The following CRK variants were observed in gnomAD, a reference collection of about 807,000 sequenced individuals.
CRK encodes the protein CRK proto-oncogene, adaptor protein.
Under a neutral mutation model 29.8 loss-of-function variants are expected in CRK, and 4 were observed. The observed-to-expected ratio is 0.13, with a 90% CI of 0.07 to 0.31. CRK has a LOEUF of 0.31. CRK is among the 10% of genes least tolerant of loss of function. CRK has a pLI of 1.00. For synonymous variants in CRK, 153 were observed against 164.9 expected, an observed-to-expected ratio of 0.93 and a Z score of 0.55; for missense variants, 274 against 396.5, an observed-to-expected ratio of 0.69 and a Z score of 2.62.
chr17:1,450,959 G>A (rs1408525999), intron 1 of CRK, among the ~76,000 whole-genome samples: 1 of 151,924 alleles, frequency 6.6e-6, no homozygotes, highest in Non-Finnish European at 1.5e-5. Flanking sequence ...TTAGGAGGCC[G>A]AGGCAGGCAG....
rs1056127030 is a variant in CRK at position 1,422,910 on chromosome 17, G to C, written c.*603C>G. On this transcript the variant is annotated 3_prime_UTR_variant, in exon 3 of 3. Transcript: ENST00000300574. The stretch of plus-strand genomic sequence containing the variant: ...CAGGTTTGGGGGACAAGAATGTCAA[G>C]GGCTAAAAGAATCCCAAGAAAAAGT... 5.0e-6 allele frequency: 2 copies of C among 398,826 alleles called. No individual in the cohort carries two copies. The highest frequency in any genetic ancestry group is 8.8e-6 in the Non-Finnish European group (2 of 226,120). 24.7% of individuals were successfully genotyped at this position (398,826 alleles called of 1,614,324 possible). A position where few individuals can be genotyped will look rare whatever the true frequency, so the allele number is the denominator to read the frequency against.
rs1250004656 is a variant in CRK, at chr17:1,427,473, G to A, written c.778-3823C>T. Among the ~76,000 whole-genome samples, 4 of 151,548 alleles carry A rather than the reference G, an allele frequency of 2.6e-5. No homozygotes were observed. The East Asian group carries it at 5.9e-4, about 22-fold the overall frequency. On this transcript the variant is annotated intron_variant, in intron 2 of 2. Coordinates refer to ENST00000300574, the MANE Select transcript of CRK (RefSeq NM_016823.4). Reference sequence around the variant, plus strand: ...CCAGGCGTGCTGGCGGGCGCCTGTAGTCCCACCTACTCGGGAGGCTGAGGC... The same window carrying A: ...CCAGGCGTGCTGGCGGGCGCCTGTAATCCCACCTACTCGGGAGGCTGAGGC...
intron 2 of CRK, among the ~76,000 whole-genome samples, chr17:1,428,273 CACGCCCAGCTGATTT>C (rs1283468532): frequency 4.1e-4 from 62 of 151,802 alleles, no homozygotes; most frequent in African/African-American, 1.5e-3. Context: ...CGCCCGCCAC[CACGCCCAGCTGATTT>C]TTGTATTTTT....
intron 1 of CRK, among the ~76,000 whole-genome samples, chr17:1,450,310 C>G (rs889422084): frequency 6.6e-6 from 1 of 151,856 alleles, no homozygotes; most frequent in Non-Finnish European, 1.5e-5. Flanking sequence ...AGCTCAAGAC[C>G]ATCCTGGCTA....
Position 1,430,590 on chromosome 17 carries a change from T to C in CRK, c.777+6030A>G, listed in dbSNP as rs1438835394. 7.0e-4 allele frequency among the ~76,000 whole-genome samples: 98 copies of C among 140,414 alleles called. 1 individual carries two copies. Among genetic ancestry groups the C allele is most frequent in the Middle Eastern group, 5.0e-3 (1 of 202 alleles). The allele number at this position is 140,414 out of a possible 152,430, so 92.1% of individuals were successfully genotyped here. On this transcript the variant is annotated intron_variant, in intron 2 of 2. Transcript: ENST00000300574. ...CAGTATTAGCCAGGATGGTCTCCATTTCCTGACCTCGTGATCCGCCCGCCT... is the reference window on the plus strand; with the variant it reads ...CAGTATTAGCCAGGATGGTCTCCATCTCCTGACCTCGTGATCCGCCCGCCT...
Position 1,452,034 on chromosome 17 carries a change from G to A in CRK, c.241+3843C>T, listed in dbSNP as rs140296364. Among the ~76,000 whole-genome samples the A allele has an allele frequency of 2.7e-3, 415 of 151,176 alleles. 2 individuals are homozygous for A. The highest frequency in any genetic ancestry group is 0.017 in the South Asian group (83 of 4,818). ...ACCAAGTCTTAGACTCCAGGGCAGA[G>A]GCAAAGTATTGAGGATATTGAGGAT... is the stretch of plus-strand genomic sequence containing the variant. On this transcript the variant is annotated intron_variant, in intron 1 of 2. Coordinates refer to ENST00000300574, the MANE Select transcript of CRK (RefSeq NM_016823.4).
chr17:1,455,713 C>G (rs1044971070), intron 1 of CRK, among the ~76,000 whole-genome samples, 164 bp downstream of exon 1: 4 of 152,174 alleles, frequency 2.6e-5, no homozygotes, highest in African/African-American at 9.7e-5. Context: ...CACACTCCTG[C>G]TCCCCGGGTG....
chr17:1,441,089 C>T (rs2150908111), intron 1 of CRK, among the ~76,000 whole-genome samples: 1 of 152,248 alleles, frequency 6.6e-6, no homozygotes, highest in East Asian at 1.9e-4. Flanking sequence ...GCACGCATCA[C>T]CACGCCCAAC....
rs1180358423 is a variant in CRK at position 1,421,589 on chromosome 17, CAACGCGTT to C, written c.*1916_*1923del. On this transcript the variant is annotated 3_prime_UTR_variant, in exon 3 of 3. Coordinates refer to ENST00000300574, the MANE Select transcript of CRK (RefSeq NM_016823.4). Reference sequence around the variant, plus strand: ...GAGGTAAAATACATTAAATTAGCGTCAACGCGTTAGTCTGCTTGCGGCCATGTACGGAA... The same window carrying C: ...GAGGTAAAATACATTAAATTAGCGTCAGTCTGCTTGCGGCCATGTACGGAA... The C allele has an allele frequency of 1.3e-5, 2 of 152,182 alleles. No individual in the cohort carries two copies. The highest frequency in any genetic ancestry group is 4.8e-5 in the African/African-American group (2 of 41,450). 9.4% of individuals were successfully genotyped at this position (152,182 alleles called of 1,614,324 possible). A position where few individuals can be genotyped will look rare whatever the true frequency, so the allele number is the denominator to read the frequency against.
chr17:1,445,619 G>A (rs560627752), intron 1 of CRK, among the ~76,000 whole-genome samples: 10 of 152,338 alleles, frequency 6.6e-5, no homozygotes, highest in Admixed American at 2.6e-4. Context: ...TGGTAGTCAA[G>A]GAGATTCATG....
intron 1 of CRK, among the ~76,000 whole-genome samples, chr17:1,446,752 C>T (rs949282984): frequency 5.3e-5 from 8 of 151,994 alleles, no homozygotes; most frequent in Admixed American, 2.0e-4. Context: ...CCACCACGCC[C>T]GGGTTTTTTT....
At chr17:1,427,674 G>A (rs985271456) in intron 2 of CRK, among the ~76,000 whole-genome samples, 2 of 151,884 alleles carry the variant, frequency 1.3e-5, no homozygotes, top group Admixed American at 1.3e-4. Flanking sequence ...CTGTCACCCA[G>A]GCTGGAGTGC....
At chr17:1,444,666 T>TAAAA (rs559826976) in intron 1 of CRK, among the ~76,000 whole-genome samples, 2 of 137,790 alleles carry the variant, frequency 1.5e-5, no homozygotes, top group Non-Finnish European at 3.1e-5. Context: ...CCGTCTTTAC[T>TAAAA]AAAAAAAAAA....
intron 1 of CRK, among the ~76,000 whole-genome samples, chr17:1,443,590 G>A (rs537242865): frequency 1.3e-5 from 2 of 150,654 alleles, no homozygotes; most frequent in South Asian, 2.1e-4. Context: ...TAGTAGAGAC[G>A]GGGTTTCACC....
At chr17:1,445,495 C>G (rs374751862) in intron 1 of CRK, among the ~76,000 whole-genome samples, 1 of 152,182 alleles carries the variant, frequency 6.6e-6, no homozygotes, top group Admixed American at 6.5e-5. Flanking sequence ...GTTCCGAGGG[C>G]AGGACTGGAG....
Position 1,455,871 on chromosome 17 carries a change from C to T in CRK, c.241+6G>A. The T allele has an allele frequency of 6.3e-7, 1 of 1,575,342 alleles. No homozygotes were observed. Among genetic ancestry groups the T allele is most frequent in the Non-Finnish European group, 8.6e-7 (1 of 1,163,790 alleles). Reference sequence around the variant, plus strand: ...CCCAGGGCCCGCCGTCCCGTCAGTCCCTCACCGGGCGGAGGCTGGGCGGGC... The same window carrying T: ...CCCAGGGCCCGCCGTCCCGTCAGTCTCTCACCGGGCGGAGGCTGGGCGGGC... On this transcript the variant is annotated splice_donor_region_variant and intron_variant, in intron 1 of 2. Coordinates refer to ENST00000300574, the MANE Select transcript of CRK (RefSeq NM_016823.4).
chr17:1,424,338 T>C, intron 2 of CRK: 1 of 152,854 alleles, frequency 6.5e-6, no homozygotes, highest in Non-Finnish European at 1.5e-5. Flanking sequence ...GTGCTTGGAT[T>C]ACAGGCGTGA....
chr17:1,431,133 G>A (rs1056723110), intron 2 of CRK, among the ~76,000 whole-genome samples: 1 of 152,090 alleles, frequency 6.6e-6, no homozygotes, highest in Non-Finnish European at 1.5e-5. Flanking sequence ...CTCCTGAAAC[G>A]TTTAGAGCAC....
chr17:1,440,455 C>A (rs1235388007), intron 1 of CRK, among the ~76,000 whole-genome samples: 1 of 151,692 alleles, frequency 6.6e-6, no homozygotes, highest in East Asian at 1.9e-4. Flanking sequence ...CGAGCAAGAC[C>A]TTGACTCTTA....
Sources: gnomAD v4.1 joint callset for allele counts (sites outside exome capture counted in the v4.1 genomes callset) on GRCh38, gnomAD v4.1.1 for gene constraint, MANE v1.5 for transcripts, NCBI Gene and HGNC (gene_info 2026-07-23, HGNC 2026-07-21) for gene names.